PARD3: variants seen among roughly 807,000 people sequenced by gnomAD.
PARD3 encodes par-3 family cell polarity regulator.
In PARD3, 75 loss-of-function variants were observed where a neutral mutation model predicts 155.4. That is an observed-to-expected ratio of 0.48 (90% CI 0.40 to 0.58). The LOEUF (loss-of-function observed/expected upper bound fraction) is 0.58. Ranked by LOEUF, PARD3 falls within the 20% of genes least tolerant of loss-of-function variation. The pLI is 0.00. For synonymous variants in PARD3, 576 were observed against 610.5 expected (o/e 0.94, Z 0.83); for missense variants, 1,642 against 1,721.7 (o/e 0.95, Z 0.82).
At chr10:34,291,255 C>T (rs1287379193) in intron 20 of PARD3, among the ~76,000 whole-genome samples, 1 of 152,008 alleles carries the variant, frequency 6.6e-6, no homozygotes, top group East Asian at 1.9e-4. Context: ...GATGTATGTC[C>T]ACATGTTTCT....
intron 22 of PARD3, among the ~76,000 whole-genome samples, chr10:34,262,727 A>C (rs913823127): frequency 6.6e-6 from 1 of 152,262 alleles, no homozygotes; most frequent in Non-Finnish European, 1.5e-5. Flanking sequence ...TTATGAAAGC[A>C]AACCATGAGG....
chr10:34,403,965 T>G (rs533882845), intron 5 of PARD3, among the ~76,000 whole-genome samples: 2 of 152,280 alleles, frequency 1.3e-5, no homozygotes, highest in South Asian at 4.1e-4. Flanking sequence ...TATCACCACT[T>G]GAAACACCTA....
At chr10:34,608,676 A>G (rs1365507227) in intron 2 of PARD3, among the ~76,000 whole-genome samples, 1 of 151,652 alleles carries the variant, frequency 6.6e-6, no homozygotes, top group East Asian at 1.9e-4. Context: ...CTGGGATTAC[A>G]GGTGCCTGCC....
intron 22 of PARD3, among the ~76,000 whole-genome samples, chr10:34,236,334 A>ATTTCAGT (rs1953232723): frequency 6.6e-6 from 1 of 152,096 alleles, no homozygotes; most frequent in Admixed American, 6.5e-5. Flanking sequence ...TCCCACTCTT[A>ATTTCAGT]TTCCATTTAT....
chr10:34,638,649 A>C (rs1188444699), intron 2 of PARD3, among the ~76,000 whole-genome samples: 1 of 152,228 alleles, frequency 6.6e-6, no homozygotes, highest in Admixed American at 6.5e-5. Flanking sequence ...TCTGCTGGAC[A>C]GTCCATGAAT....
chr10:34,547,822 T>C (rs2084218480), intron 2 of PARD3, among the ~76,000 whole-genome samples: 1 of 152,234 alleles, frequency 6.6e-6, no homozygotes, highest in Non-Finnish European at 1.5e-5. Context: ...AAGCATTAAA[T>C]TAACCAGCAA....
At chr10:34,651,011 C>CCAAAA (rs1404556380) in intron 2 of PARD3, among the ~76,000 whole-genome samples, 4 of 44,520 alleles carry the variant, frequency 9.0e-5, no homozygotes, top group African/African-American at 8.8e-5. Context: ...AACTCTGTCT[C>CCAAAA]AAAAAAAAAA....
At chr10:34,320,807 A>AT (rs1958324808) in intron 19 of PARD3, among the ~76,000 whole-genome samples, 1 of 152,174 alleles carries the variant, frequency 6.6e-6, no homozygotes, top group African/African-American at 2.4e-5. Flanking sequence ...ACACTTGCAC[A>AT]TTGGAGGATT....
At chr10:34,657,933 T>A (rs1446580591) in intron 2 of PARD3, among the ~76,000 whole-genome samples, 1 of 151,834 alleles carries the variant, frequency 6.6e-6, no homozygotes, top group Non-Finnish European at 1.5e-5. Flanking sequence ...GATCACGAGG[T>A]CAGGAGATCG....
chr10:34,200,913 C>T (rs1479626038), intron 22 of PARD3, among the ~76,000 whole-genome samples: 1 of 152,238 alleles, frequency 6.6e-6, no homozygotes, highest in African/African-American at 2.4e-5. Context: ...ACAGGGAAGA[C>T]ACTGAACAAA....
At chr10:34,432,041 C>CCAA (rs2075952631) in intron 5 of PARD3, among the ~76,000 whole-genome samples, 1 of 21,596 alleles carries the variant, frequency 4.6e-5, no homozygotes, top group Non-Finnish European at 9.6e-5. Context: ...GACTCTGTCT[C>CCAA]AAAAAAAAAA....
intron 2 of PARD3, among the ~76,000 whole-genome samples, chr10:34,591,217 G>T (rs2134364497): frequency 6.6e-6 from 1 of 152,066 alleles, no homozygotes; most frequent in East Asian, 1.9e-4. Flanking sequence ...GCCTGGACCT[G>T]CTTGCCAATA....
intron 2 of PARD3, among the ~76,000 whole-genome samples, chr10:34,590,745 T>C (rs1185250167): frequency 6.6e-6 from 1 of 152,196 alleles, no homozygotes; most frequent in African/African-American, 2.4e-5. Context: ...AAAGAAGAAC[T>C]GGAAGTGGGC....
rs778351315 is a variant in PARD3, at chr10:34,517,064, A to G, written c.318T>C (p.Ser106=). Residue 106 remains serine, a synonymous_variant, in exon 3 of 25, where the codon AGT becomes AGC. Coordinates refer to ENST00000374788, the MANE Select transcript of PARD3 (RefSeq NM_001184785.2). ...TGTQSPEIFG[S]ELGTNNVSAF... is the part of the protein sequence containing the mutation. ...CTGAGACATTGTTGGTGCCAAGCTC[A>G]CTACCAAATATCTCTGGGCTCTGGG... 2 of 1,614,218 alleles carry G rather than the reference A, an allele frequency of 1.2e-6. No homozygotes were observed. The highest frequency in any genetic ancestry group is 1.7e-6 in the Non-Finnish European group (2 of 1,180,026).
intron 4 of PARD3, among the ~76,000 whole-genome samples, chr10:34,454,353 C>A (rs960733814): frequency 2.0e-5 from 3 of 151,920 alleles, no homozygotes; most frequent in South Asian, 2.1e-4. Flanking sequence ...TTCTACAACA[C>A]AATTTATACT....
intron 1 of PARD3, among the ~76,000 whole-genome samples, chr10:34,720,945 G>A (rs2094597288): frequency 1.3e-5 from 2 of 152,118 alleles, no homozygotes; most frequent in African/African-American, 4.8e-5. Flanking sequence ...TGCCTTTAAT[G>A]ATTTTCACTC....
chr10:34,283,403 T>C (rs765674608), intron 21 of PARD3, among the ~76,000 whole-genome samples: 4 of 152,128 alleles, frequency 2.6e-5, no homozygotes, highest in Non-Finnish European at 5.9e-5. Context: ...ACCTGTAAAC[T>C]CTAATAACAA....
At chr10:34,453,456 G>C (rs996361182) in intron 4 of PARD3, among the ~76,000 whole-genome samples, 2 of 152,002 alleles carry the variant, frequency 1.3e-5, no homozygotes, top group Admixed American at 1.3e-4. Context: ...TCAGCACAGT[G>C]GCTTACACCA....
chr10:34,443,861 AG>A (rs2076598498), intron 5 of PARD3, among the ~76,000 whole-genome samples: 1 of 152,210 alleles, frequency 6.6e-6, no homozygotes, highest in Non-Finnish European at 1.5e-5. Flanking sequence ...AAAGGAAAAA[AG>A]GTATCATCAT....
Sources: allele counts gnomAD v4.1 joint callset (sites outside exome capture counted in the v4.1 genomes callset), GRCh38; gene constraint gnomAD v4.1.1; transcripts MANE v1.5; gene names NCBI Gene and HGNC (gene_info 2026-07-23, HGNC 2026-07-21).